Variants in CREBBP observed in about 807,000 individuals in gnomAD.
CREBBP encodes CREB binding lysine acetyltransferase.
CREBBP carries 19 observed loss-of-function variants against 265.0 expected under a neutral mutation model. The observed-to-expected ratio is 0.07, with a 90% confidence interval of 0.05 to 0.11. The LOEUF (loss-of-function observed/expected upper bound fraction) is 0.11, where lower values mean the gene tolerates loss of function less well. Ranked by LOEUF, CREBBP falls within the 10% of genes least tolerant of loss-of-function variation. The pLI, the probability that CREBBP is intolerant of heterozygous loss-of-function variation, is 1.00. For synonymous variants in CREBBP, 1,457 were observed against 1,223.7 expected (o/e 1.19, Z -3.98); for missense variants, 2,525 against 3,219.0 (o/e 0.78, Z 5.22).
intron 3 of CREBBP, among the ~76,000 whole-genome samples, chr16:3,805,041 G>GT (rs1455119142): frequency 1.3e-5 from 2 of 152,170 alleles, no homozygotes; most frequent in Non-Finnish European, 2.9e-5. Context: ...AACACATCAC[G>GT]TATCATTATT....
chr16:3,774,120 C>G (rs975062007), intron 12 of CREBBP, among the ~76,000 whole-genome samples, 190 bp from the exon 13 acceptor site: 2 of 152,256 alleles, frequency 1.3e-5, no homozygotes, highest in Non-Finnish European at 2.9e-5. Flanking sequence ...ACCTTACACA[C>G]TTTCTCAGGC....
At chr16:3,746,528 G>A (rs369256591) in intron 21 of CREBBP, among the ~76,000 whole-genome samples, 2 of 152,158 alleles carry the variant, frequency 1.3e-5, no homozygotes, top group African/African-American at 4.8e-5. Context: ...CAGCCACTGA[G>A]CTCATCCCCA....
At chr16:3,876,090 G>A (rs2055393734) in intron 1 of CREBBP, among the ~76,000 whole-genome samples, 1 of 151,986 alleles carries the variant, frequency 6.6e-6, no homozygotes, top group Non-Finnish European at 1.5e-5. Flanking sequence ...CCAGGCCAGA[G>A]TGCAGTGGCA....
Position 3,731,042 on chromosome 16 carries a change from C to G in CREBBP, c.5172+150G>C. 2 of 830,230 alleles carry G rather than the reference C, an allele frequency of 2.4e-6. No individual in the cohort carries two copies. Among genetic ancestry groups the G allele is most frequent in the South Asian group, 3.1e-5 (2 of 65,222 alleles). 51.4% of individuals were successfully genotyped at this position (830,230 alleles called of 1,614,324 possible). On this transcript the variant is annotated intron_variant, in intron 30 of 30. Transcript: ENST00000262367. The surrounding 1 kb of genome is among the most constrained non-coding windows in gnomAD (Gnocchi z 7.7). ...TTTAGGAAACACACACACAGCAACGCCTTCTGCCTTGTGACGCTGTCCTAG... is the reference window on the plus strand; with the variant it reads ...TTTAGGAAACACACACACAGCAACGGCTTCTGCCTTGTGACGCTGTCCTAG...
intron 1 of CREBBP, among the ~76,000 whole-genome samples, chr16:3,860,455 C>T (rs2055050320): frequency 6.6e-6 from 1 of 152,126 alleles, no homozygotes; most frequent in African/African-American, 2.4e-5. Context: ...TGGACTCAAG[C>T]AATCCTCCTG....
chr16:3,857,196 T>C (rs1029383491), intron 1 of CREBBP, among the ~76,000 whole-genome samples: 2 of 152,234 alleles, frequency 1.3e-5, no homozygotes, highest in African/African-American at 2.4e-5. Context: ...GCAGGGCTTA[T>C]GTCCTGGGCT....
intron 11 of CREBBP, among the ~76,000 whole-genome samples, chr16:3,776,765 C>G (rs548480722): frequency 8.5e-5 from 13 of 152,152 alleles, no homozygotes; most frequent in African/African-American, 3.1e-4. Flanking sequence ...GTAATCCCAG[C>G]ACTTTGGAAG....
At chr16:3,879,682 C>A (rs991729327) in intron 1 of CREBBP, 150 bp downstream of exon 1, 20 of 871,102 alleles carry the variant, frequency 2.3e-5, no homozygotes, top group Non-Finnish European at 3.3e-5. Flanking sequence ...GAACTTCCAC[C>A]CTCCCGCGCG....
At chr16:3,785,707 T>C (rs1165505152) in intron 5 of CREBBP, among the ~76,000 whole-genome samples, 1 of 152,200 alleles carries the variant, frequency 6.6e-6, no homozygotes, top group Non-Finnish European at 1.5e-5. Flanking sequence ...GTTTCTCTAT[T>C]TATCCTTTCT....
intron 21 of CREBBP, 24 bp from the exon 22 acceptor site, chr16:3,745,378 G>A (rs749293567): frequency 1.9e-6 from 3 of 1,610,098 alleles, no homozygotes. Flanking sequence ...AAGGCGCACT[G>A]TTAAAGCACA....
At chr16:3,835,158 C>G (rs924754629) in intron 2 of CREBBP, among the ~76,000 whole-genome samples, 76 of 151,946 alleles carry the variant, frequency 5.0e-4, no homozygotes, top group African/African-American at 1.8e-3. Context: ...GACTCCTTCT[C>G]CAAAACAAAA....
intron 13 of CREBBP, among the ~76,000 whole-genome samples, chr16:3,773,397 C>T (rs917706007): frequency 4.6e-5 from 7 of 152,116 alleles, no homozygotes; most frequent in South Asian, 2.1e-4. Flanking sequence ...CCTTCTCACT[C>T]GCTTTTTAAA....
At chr16:3,784,705 C>A (rs1424340454) in intron 5 of CREBBP, among the ~76,000 whole-genome samples, 1 of 152,178 alleles carries the variant, frequency 6.6e-6, no homozygotes, top group Admixed American at 6.5e-5. Flanking sequence ...TTCCCGTAAA[C>A]CCTTTATTGA....
chr16:3,740,442 T>C lies in CREBBP; in HGVS notation c.4090A>G (p.Ser1364Gly). Residue 1364 changes from serine to glycine, a missense_variant, in exon 24 of 31, where the codon AGC (serine) becomes GGC (glycine). Transcript: ENST00000262367. ...AGEVFVRVVA[S>G]SDKTVEVKPG... ...TTGACCTCCACCGTCTTGTCTGAGC[T>C]GGCCACCACTCGGACAAAAACCTCC... 6.2e-7 allele frequency: 1 copy of C among 1,614,182 alleles called. No homozygotes were observed. Among genetic ancestry groups the C allele is most frequent in the Non-Finnish European group, 8.5e-7 (1 of 1,180,038 alleles).
rs372515855 is a variant in CREBBP at position 3,767,365 on chromosome 16, A to G, written c.3250+355T>C. ...CTTTTTTGGTTATTCTCCTACTCACATACATCACTGGTTCTTTATACTTTT... is the reference window on the plus strand; with the variant it reads ...CTTTTTTGGTTATTCTCCTACTCACGTACATCACTGGTTCTTTATACTTTT... On this transcript the variant is annotated intron_variant, in intron 16 of 30. Coordinates refer to ENST00000262367, the MANE Select transcript of CREBBP (RefSeq NM_004380.3). 25 of 315,730 alleles carry G rather than the reference A, an allele frequency of 7.9e-5. No individual in the cohort carries two copies. In the East Asian group the frequency reaches 8.9e-4, roughly 11 times the overall value. 19.6% of individuals were successfully genotyped at this position (315,730 alleles called of 1,614,324 possible).
At chr16:3,804,342 A>AG (rs1056972701) in intron 3 of CREBBP, among the ~76,000 whole-genome samples, 3 of 152,216 alleles carry the variant, frequency 2.0e-5, no homozygotes, top group African/African-American at 7.2e-5. Context: ...TAAGGATTAG[A>AG]GGGAAAAAAA....
At chr16:3,831,290 C>T (rs1310798154) in intron 2 of CREBBP, among the ~76,000 whole-genome samples, 1 of 151,994 alleles carries the variant, frequency 6.6e-6, no homozygotes, top group African/African-American at 2.4e-5. Context: ...GAATAAATCA[C>T]ATGTAAAATA....
chr16:3,879,507 C>G (rs1567385638), intron 1 of CREBBP, among the ~76,000 whole-genome samples: 1 of 152,226 alleles, frequency 6.6e-6, no homozygotes, highest in Non-Finnish European at 1.5e-5. Context: ...GACACGGCCG[C>G]GGATGGATGC....
intron 23 of CREBBP, among the ~76,000 whole-genome samples, chr16:3,744,088 G>C (rs1288442336): frequency 6.6e-6 from 1 of 151,984 alleles, no homozygotes; most frequent in Non-Finnish European, 1.5e-5. Flanking sequence ...AAAAAAAAAA[G>C]AAAGTCTACT....
Sources: allele counts gnomAD v4.1 joint callset (sites outside exome capture counted in the v4.1 genomes callset), GRCh38; gene constraint gnomAD v4.1.1; non-coding constraint Gnocchi (gnomAD v3.1); transcripts MANE v1.5; gene names NCBI Gene and HGNC (gene_info 2026-07-23, HGNC 2026-07-21).